Variants in WDR12 observed in about 807,000 individuals in gnomAD.
The protein encoded by WDR12 is ribosome biogenesis protein WDR12.
WDR12 carries 42 observed loss-of-function variants against 64.3 expected under a neutral mutation model. That is an observed-to-expected ratio of 0.65 (90% CI 0.51 to 0.84). The LOEUF (loss-of-function observed/expected upper bound fraction) is 0.84, where lower values mean the gene tolerates loss of function less well. WDR12 is among the 40% of genes least tolerant of loss of function. The pLI, the probability that WDR12 is intolerant of heterozygous loss-of-function variation, is 0.00. For synonymous variants in WDR12, 158 were observed against 173.3 expected (o/e 0.91, Z 0.70); for missense variants, 469 against 494.6 (o/e 0.95, Z 0.49).
Position 202,876,426 on chromosome 2 carries a change from A to C in WDR12, c.*4434T>G, listed in dbSNP as rs1165887671. The C allele has an allele frequency of 6.6e-6, 1 of 152,222 alleles. No homozygotes were observed. Among genetic ancestry groups the C allele is most frequent in the African/African-American group, 2.4e-5 (1 of 41,464 alleles). The allele number at this position is 152,222 out of a possible 1,614,324, so 9.4% of individuals were successfully genotyped here. A position where few individuals can be genotyped will look rare whatever the true frequency, so the allele number is the denominator to read the frequency against. ...GTTTGATACTTAATCTATGATAGTC[A>C]AAAATGTCAACAATGAAGTGACTAA... On this transcript the variant is annotated 3_prime_UTR_variant, in exon 13 of 13. Transcript: ENST00000261015.
Position 202,906,311 on chromosome 2 carries a change from T to C in WDR12, c.136+1554A>G, listed in dbSNP as rs72936831. Among the ~76,000 whole-genome samples the C allele has an allele frequency of 3.6e-3, 555 of 152,324 alleles. 3 individuals carry two copies. The highest frequency in any genetic ancestry group is 0.02 in the Middle Eastern group (6 of 294). ...AAACAAGGAGCAACAGGAAATGCTA[T>C]GTAAATATCCTTGAATATTGAATAT... On this transcript the variant is annotated intron_variant, in intron 2 of 12. Coordinates refer to ENST00000261015, the MANE Select transcript of WDR12 (RefSeq NM_018256.4).
Position 202,882,090 on chromosome 2 carries a change from A to G in WDR12, c.1194+621T>C, listed in dbSNP as rs550622454. Among the ~76,000 whole-genome samples, 4 of 151,884 alleles carry G rather than the reference A, an allele frequency of 2.6e-5. No homozygotes were observed. The South Asian group carries it at 8.3e-4, about 32-fold the overall frequency. On this transcript the variant is annotated intron_variant, in intron 12 of 12. Transcript: ENST00000261015. ...GCTCAAGTAGGTCACACCACCATGG[A>G]TAACTAATTTTTTAATTTTTGTAGA... is the stretch of plus-strand genomic sequence containing the variant.
rs764754641 is a variant in WDR12, at chr2:202,907,854, T to C, written c.136+11A>G. On this transcript the variant is annotated intron_variant, in intron 2 of 12. Coordinates refer to ENST00000261015, the MANE Select transcript of WDR12 (RefSeq NM_018256.4). ...GGGACACTGTGCCCTCTCCTAAGCA[T>C]ATATACCCACCATTTTTGTCCTTTA... is the stretch of plus-strand genomic sequence containing the variant. 1.9e-6 allele frequency: 3 copies of C among 1,604,064 alleles called. No individual in the cohort carries two copies. The highest frequency in any genetic ancestry group is 2.6e-6 in the Non-Finnish European group (3 of 1,171,258).
intron 11 of WDR12, 158 bp downstream of exon 11, chr2:202,883,451 C>G: frequency 2.1e-6 from 2 of 947,844 alleles, no homozygotes; most frequent in Non-Finnish European, 3.0e-6. Flanking sequence ...TTTTTTTGAT[C>G]CTGGCTTTTC....
At chr2:202,905,268 C>T (rs1688433306) in intron 2 of WDR12, among the ~76,000 whole-genome samples, 2 of 152,214 alleles carry the variant, frequency 1.3e-5, no homozygotes, top group Non-Finnish European at 2.9e-5. Context: ...GCTTCAGCCT[C>T]CTGAGTAGCT....
chr2:202,888,045 A>G (rs1307249596), intron 8 of WDR12, among the ~76,000 whole-genome samples: 2 of 152,202 alleles, frequency 1.3e-5, no homozygotes, highest in African/African-American at 4.8e-5. Context: ...AGTTTTACTT[A>G]TAACTGCCAA....
At chr2:202,891,627 C>T (rs1238919604) in intron 8 of WDR12, among the ~76,000 whole-genome samples, 2 of 152,124 alleles carry the variant, frequency 1.3e-5, no homozygotes, top group African/African-American at 4.8e-5. Context: ...TTTATGATCC[C>T]ATTTTATTCA....
intron 6 of WDR12, 28 bp downstream of exon 6, chr2:202,896,037 G>T (rs753092709): frequency 6.3e-6 from 10 of 1,597,094 alleles, no homozygotes; most frequent in Non-Finnish European, 6.8e-6. Flanking sequence ...AAATTTAACA[G>T]AGTACTAATA....
rs1324333977 is a variant in WDR12, at chr2:202,879,383, C to A, written c.*1477G>T. ...ACATATATTTAATATAAAGTGCCTT[C>A]CTTAAAATATCTTGATGAATTCTTC... On this transcript the variant is annotated 3_prime_UTR_variant, in exon 13 of 13. Transcript: ENST00000261015. The A allele has an allele frequency of 6.6e-6, 1 of 151,684 alleles. No homozygotes were observed. The highest frequency in any genetic ancestry group is 1.5e-5 in the Non-Finnish European group (1 of 67,960). The allele number at this position is 151,684 out of a possible 1,614,324, so 9.4% of individuals were successfully genotyped here.
intron 2 of WDR12, among the ~76,000 whole-genome samples, chr2:202,901,830 C>T (rs1688353928): frequency 6.6e-6 from 1 of 152,082 alleles, no homozygotes; most frequent in South Asian, 2.1e-4. Context: ...ATGGTAAATG[C>T]CTGGTTAGAT....
At chr2:202,900,884 AAC>A in intron 3 of WDR12, 139 bp downstream of exon 3, 1 of 567,006 alleles carries the variant, frequency 1.8e-6, no homozygotes, top group Non-Finnish European at 3.0e-6. Flanking sequence ...CACAATACAT[AAC>A]ACACACAACA....
chr2:202,877,352 T>A lies in WDR12; in HGVS notation c.*3508A>T, dbSNP rs888942341. ...CACTATGCCTGGCCAAGTAATTTCT[T>A]AAAACTTTATTTGGGCTGGGTGCGG... On this transcript the variant is annotated 3_prime_UTR_variant, in exon 13 of 13. Transcript: ENST00000261015. 7.2e-5 allele frequency: 11 copies of A among 152,086 alleles called. No homozygotes were observed. Among genetic ancestry groups the A allele is most frequent in the African/African-American group, 2.7e-4 (11 of 41,426 alleles). The allele number at this position is 152,086 out of a possible 1,614,324, so 9.4% of individuals were successfully genotyped here. A position where few individuals can be genotyped will look rare whatever the true frequency, so the allele number is the denominator to read the frequency against.
chr2:202,887,051 A>G (rs570034281), intron 8 of WDR12, among the ~76,000 whole-genome samples: 1 of 152,200 alleles, frequency 6.6e-6, no homozygotes, highest in East Asian at 1.9e-4. Context: ...TTTGAGATGG[A>G]GCTTCACTCA....
Position 202,884,254 on chromosome 2 carries a change from C to T in WDR12, c.932G>A (p.Arg311His), listed in dbSNP as rs140491316. 5.4e-5 allele frequency: 87 copies of T among 1,613,644 alleles called. No homozygotes were observed. The highest frequency in any genetic ancestry group is 6.9e-5 in the Non-Finnish European group (82 of 1,180,018). Residue 311 changes from arginine to histidine, a missense_variant, in exon 10 of 13, where the codon CGT becomes CAT. Transcript: ENST00000261015. The part of the protein sequence containing the change: ...NCISYSPLCK[R>H]LASGSTDRHI... ...CCTATCTGTGCTTCCAGATGCTAAA[C>T]GTTTACAAAGTGGAGAATAGGAAAT...
intron 1 of WDR12, among the ~76,000 whole-genome samples, chr2:202,910,320 C>A (rs1406378295): frequency 6.6e-6 from 1 of 152,030 alleles, no homozygotes; most frequent in Admixed American, 6.6e-5. Flanking sequence ...GCCAGGAGTT[C>A]GAGACCAGCA....
At chr2:202,906,958 A>T (rs919163062) in intron 2 of WDR12, among the ~76,000 whole-genome samples, 9 of 145,212 alleles carry the variant, frequency 6.2e-5, no homozygotes, top group Admixed American at 1.4e-4. Context: ...AAACTTCAAC[A>T]TTTTTTTTTT....
intron 1 of WDR12, among the ~76,000 whole-genome samples, chr2:202,908,945 G>A (rs1057433598): frequency 1.3e-5 from 2 of 152,206 alleles, no homozygotes; most frequent in Non-Finnish European, 2.9e-5. Context: ...ACATGCAAAT[G>A]CTCATCATTA....
rs1687823491 is a variant in WDR12 at position 202,874,478 on chromosome 2, G to GTGAA, written c.*6381_*6382insTTCA. ...AGTCTTAGTTTCTTTAAAGACTAAT[G>GTGAA]GTCTTCACTTTTGTTTTTGTGCAAA... On this transcript the variant is annotated 3_prime_UTR_variant, in exon 13 of 13. Coordinates refer to ENST00000261015, the MANE Select transcript of WDR12 (RefSeq NM_018256.4). 6.6e-6 allele frequency among the ~76,000 whole-genome samples: 1 copy of GTGAA among 152,044 alleles called. No individual in the cohort carries two copies. Among genetic ancestry groups the GTGAA allele is most frequent in the Admixed American group, 6.6e-5 (1 of 15,246 alleles).
At chr2:202,909,715 TTA>T (rs1688531673) in intron 1 of WDR12, among the ~76,000 whole-genome samples, 1 of 152,080 alleles carries the variant, frequency 6.6e-6, no homozygotes. Flanking sequence ...TGTGTGACAA[TTA>T]TATTAGCCCC....
Sources: allele counts gnomAD v4.1 joint callset (sites outside exome capture counted in the v4.1 genomes callset), GRCh38; gene constraint gnomAD v4.1.1; transcripts MANE v1.5; gene names NCBI Gene and HGNC (gene_info 2026-07-23, HGNC 2026-07-21).